The following PCDHGB3 variants were observed in gnomAD, a reference collection of about 807,000 sequenced individuals.
PCDHGB3 encodes the protein protocadherin gamma subfamily B, 3, also known as protocadherin gamma-B3.
PCDHGB3 carries 40 observed loss-of-function variants against 59.2 expected under a neutral mutation model. The observed-to-expected ratio is 0.68, with a 90% CI of 0.52 to 0.88. PCDHGB3 has a LOEUF of 0.88. Ranked by LOEUF, PCDHGB3 falls within the 40% of genes least tolerant of loss-of-function variation. The probability of loss-of-function intolerance (pLI) is 0.00; values close to 1 mark genes in which losing one functional copy is unlikely to be tolerated. For missense variants in PCDHGB3, 1,309 were observed against 1,187.9 expected (o/e 1.10, Z -1.50); for synonymous variants, 581 against 503.6 (o/e 1.15, Z -2.06).
intron 3 of PCDHGB3, among the ~76,000 whole-genome samples, chr5:141,506,923 C>G: frequency 6.6e-6 from 1 of 152,184 alleles, no homozygotes; most frequent in African/African-American, 2.4e-5. Flanking sequence ...ACATACTAAA[C>G]AAACTTTAGG....
intron 1 of PCDHGB3, chr5:141,390,466 G>A: frequency 1.4e-6 from 1 of 712,034 alleles, no homozygotes; most frequent in East Asian, 2.7e-5. Context: ...AGGAGCAATT[G>A]TGTGGCCCAA....
chr5:141,440,960 A>C (rs1467379261), intron 1 of PCDHGB3: 2 of 152,248 alleles, frequency 1.3e-5, no homozygotes, highest in Non-Finnish European at 2.9e-5. Flanking sequence ...CAAGGCAGAG[A>C]TCACATATGG....
At position 141,414,543 on chromosome 5, in the gene PCDHGB3, C is replaced by T. The variant is rs369387885; in HGVS notation, c.2415+41734C>T. The T allele has an allele frequency of 5.0e-6, 8 of 1,613,880 alleles. No individual in the cohort carries two copies. The African/African-American group carries it at 1.1e-4, about 22-fold the overall frequency. ...ATATCAATGACAACCCACCTACCTT[C>T]TCTCAAGTCTCCTACTTTACCTATA... On this transcript the variant is annotated intron_variant, in intron 1 of 3. Transcript: ENST00000576222.
At chr5:141,392,721 G>A (rs1169584002) in intron 1 of PCDHGB3, 25 of 1,390,348 alleles carry the variant, frequency 1.8e-5, no homozygotes, top group South Asian at 3.2e-5. Context: ...CAGGTTTCCG[G>A]AGGATTGTCA....
intron 1 of PCDHGB3, among the ~76,000 whole-genome samples, chr5:141,461,390 C>T (rs1220034894): frequency 2.0e-5 from 3 of 152,080 alleles, no homozygotes; most frequent in East Asian, 3.9e-4. Context: ...TGATGATTAG[C>T]GATGTTGAGC....
intron 1 of PCDHGB3, among the ~76,000 whole-genome samples, chr5:141,380,425 G>A (rs1383419124): frequency 1.3e-5 from 2 of 152,192 alleles, no homozygotes; most frequent in Non-Finnish European, 1.5e-5. Context: ...AAGCCAAATA[G>A]ACTTTACATA....
rs773955179 is a variant in PCDHGB3 at position 141,370,392 on chromosome 5, G to C, written c.-3G>C. 1.3e-6 allele frequency: 2 copies of C among 1,544,790 alleles called. No individual in the cohort carries two copies. The highest frequency in any genetic ancestry group is 1.7e-6 in the Non-Finnish European group (2 of 1,148,572). On this transcript the variant is annotated 5_prime_UTR_variant, in exon 1 of 4. Coordinates refer to ENST00000576222, the MANE Select transcript of PCDHGB3 (RefSeq NM_018924.5). ...TTAGAAAGGCAAAGGCGCAGAGAGC[G>C]GGATGGGAAATAGCTCCGGATGGAG...
At chr5:141,388,956 G>C (rs1010974359) in intron 1 of PCDHGB3, 1 of 1,613,846 alleles carries the variant, frequency 6.2e-7, no homozygotes, top group Non-Finnish European at 8.5e-7. Context: ...TATGGAGGAC[G>C]CCGAGCTGGG....
intron 1 of PCDHGB3, chr5:141,433,358 C>CCTATCTATCTATCTATCTATCTAT: frequency 9.9e-6 from 5 of 503,368 alleles, no homozygotes; most frequent in South Asian, 2.6e-5. Flanking sequence ...CTACTGTCTG[C>CCTATCTATCTATCTATCTATCTAT]CTATCTATCT....
At chr5:141,398,949 C>G in intron 1 of PCDHGB3, 1 of 1,613,948 alleles carries the variant, frequency 6.2e-7, no homozygotes, top group Non-Finnish European at 8.5e-7. Context: ...AGGGCATCAA[C>G]TCAGAAATTA....
At chr5:141,417,887 C>T in intron 1 of PCDHGB3, 2 of 1,564,888 alleles carry the variant, frequency 1.3e-6, no homozygotes, top group Non-Finnish European at 1.7e-6. Flanking sequence ...GCAGAGGCGC[C>T]GGGCCGGCCC....
At chr5:141,395,348 A>T (rs2093219591) in intron 1 of PCDHGB3, 1 of 1,391,964 alleles carries the variant, frequency 7.2e-7, no homozygotes, top group East Asian at 2.4e-5. Flanking sequence ...AAGGTGTATC[A>T]CAGAGTTTTG....
intron 1 of PCDHGB3, chr5:141,478,910 A>C (rs568573298): frequency 1.1e-6 from 1 of 893,688 alleles, no homozygotes; most frequent in Non-Finnish European, 1.6e-6. Context: ...AAGCTGCTGG[A>C]TACCTCTAAC....
chr5:141,432,025 G>T lies in PCDHGB3; in HGVS notation c.2415+59216G>T. ...AGGTTCCTAGCTACAACATCACAGT[G>T]ACCGCCACTGACCGGGGAACCCCGC... On this transcript the variant is annotated intron_variant, in intron 1 of 3. Coordinates refer to ENST00000576222, the MANE Select transcript of PCDHGB3 (RefSeq NM_018924.5). The surrounding 1 kb of genome is among the most constrained non-coding windows in gnomAD (Gnocchi z 6.0). The T allele has an allele frequency of 6.2e-7, 1 of 1,614,158 alleles. No homozygotes were observed. The highest frequency in any genetic ancestry group is 1.1e-5 in the South Asian group (1 of 91,058).
intron 1 of PCDHGB3, chr5:141,373,906 A>G: frequency 1.7e-6 from 1 of 604,222 alleles, no homozygotes; most frequent in Admixed American, 3.7e-5. Context: ...ACATCCTCCA[A>G]CAACAAAGCA....
At chr5:141,441,494 ACCAGG>A (rs1325946941) in intron 1 of PCDHGB3, 1 of 170,360 alleles carries the variant, frequency 5.9e-6, no homozygotes, top group Non-Finnish European at 1.3e-5. Flanking sequence ...CTGGTTTTCT[ACCAGG>A]CCTCCTACGT....
chr5:141,433,837 C>CAAAAAAAAA (rs56191208), intron 1 of PCDHGB3, among the ~76,000 whole-genome samples: 1 of 111,704 alleles, frequency 9.0e-6, no homozygotes, highest in Non-Finnish European at 1.9e-5. Flanking sequence ...AACTCTATCT[C>CAAAAAAAAA]AAAAAAAAAA....
intron 1 of PCDHGB3, chr5:141,384,634 C>T: frequency 6.2e-7 from 1 of 1,614,208 alleles, no homozygotes; most frequent in Non-Finnish European, 8.5e-7. Flanking sequence ...GGAGCTGGCA[C>T]CCCGCTCCGC....
rs1228831823 is a variant in PCDHGB3, at chr5:141,487,778, T to C, written c.2416-7029T>C. ...GGTAGACGCTGTGCTTTGTAACTGT[T>C]TCGTGAATTAACCAGAGTTGTCACA... On this transcript the variant is annotated intron_variant, in intron 1 of 3. Coordinates refer to ENST00000576222, the MANE Select transcript of PCDHGB3 (RefSeq NM_018924.5). The surrounding 1 kb of genome is among the most constrained non-coding windows in gnomAD (Gnocchi z 5.0). The C allele has an allele frequency of 6.5e-7, 1 of 1,531,514 alleles. No individual in the cohort carries two copies. The highest frequency in any genetic ancestry group is 2.0e-5 in the Admixed American group (1 of 49,632). 94.9% of individuals were successfully genotyped at this position (1,531,514 alleles called of 1,614,324 possible).
Sources: gnomAD v4.1 joint callset for allele counts (sites outside exome capture counted in the v4.1 genomes callset) on GRCh38, gnomAD v4.1.1 for gene constraint, Gnocchi (gnomAD v3.1) non-coding constraint, MANE v1.5 for transcripts, NCBI Gene and HGNC (gene_info 2026-07-23, HGNC 2026-07-21) for gene names.